The following PATJ variants were observed in gnomAD, a reference collection of about 807,000 sequenced individuals.
PATJ encodes inaD-like protein.
In PATJ, 190 loss-of-function variants were observed where a neutral mutation model predicts 224.9. The ratio of observed to expected loss-of-function variants is 0.84; its 90% CI spans 0.75 to 0.95. The LOEUF (loss-of-function observed/expected upper bound fraction) is 0.95, where lower values mean the gene tolerates loss of function less well. PATJ is among the 40% of genes least tolerant of loss of function. PATJ has a pLI of 0.00. For missense variants in PATJ, 2,121 were observed against 2,270.3 expected, an observed-to-expected ratio of 0.93 and a Z score of 1.34; for synonymous variants, 769 against 820.3, an observed-to-expected ratio of 0.94 and a Z score of 1.07.
In PATJ at chr1:62,065,077, C is replaced by T. The variant is rs145544974; in HGVS notation, c.4125+14019C>T. Among the ~76,000 whole-genome samples, 90 of 152,228 alleles carry T rather than the reference C, an allele frequency of 5.9e-4. 1 individual carries two copies. In the East Asian group the frequency reaches 7.9e-3, roughly 13 times the overall value. On this transcript the variant is annotated intron_variant, in intron 31 of 43. Transcript: ENST00000642238. ...TCTTTATCTCTTGTATTCCTGAAAA[C>T]CACTTGAGATTTGCGTACATGATAA... is the stretch of plus-strand genomic sequence containing the variant.
chr1:62,017,742 A>G (rs1309303697), intron 28 of PATJ, 114 bp from the exon 29 acceptor site: 3 of 578,422 alleles, frequency 5.2e-6, no homozygotes, highest in African/African-American at 1.9e-5. Context: ...AAAAAAAAAA[A>G]AAAAAGAAAA....
chr1:61,838,494 A>G lies in PATJ; in HGVS notation c.2112+4709A>G, dbSNP rs1391377334. ...CTCAGCCTCCTGAGTAGCTGGGACT[A>G]CAGGCACCTGCTACCACGCCTGGCT... On this transcript the variant is annotated intron_variant, in intron 17 of 43. Transcript: ENST00000642238. 3.4e-5 allele frequency among the ~76,000 whole-genome samples: 5 copies of G among 148,656 alleles called. No homozygotes were observed. The South Asian group carries it at 6.4e-4, about 19-fold the overall frequency.
At chr1:62,106,495 G>C (rs1341019163) in intron 33 of PATJ, among the ~76,000 whole-genome samples, 1 of 151,836 alleles carries the variant, frequency 6.6e-6, no homozygotes, top group African/African-American at 2.4e-5. Flanking sequence ...AAGTTAAAAA[G>C]CAAACAAACA....
At chr1:62,104,818 C>T (rs571999638) in intron 33 of PATJ, among the ~76,000 whole-genome samples, 49 of 152,138 alleles carry the variant, frequency 3.2e-4, no homozygotes, top group East Asian at 1.2e-3. Context: ...ATTACAGGCA[C>T]GTGCCACCAT....
intron 31 of PATJ, among the ~76,000 whole-genome samples, chr1:62,074,432 T>C (rs1570459097): frequency 6.6e-6 from 1 of 151,588 alleles, no homozygotes. Context: ...CTGAAAACCT[T>C]TAAGCAATTT....
At chr1:62,082,313 C>T (rs143401094) in intron 32 of PATJ, among the ~76,000 whole-genome samples, 9 of 152,276 alleles carry the variant, frequency 5.9e-5, no homozygotes, top group East Asian at 3.9e-4. Context: ...GACTCTGGGC[C>T]GGGCACCTCA....
At chr1:61,972,506 G>A (rs1405503470) in intron 27 of PATJ, among the ~76,000 whole-genome samples, 1 of 151,888 alleles carries the variant, frequency 6.6e-6, no homozygotes, top group South Asian at 2.1e-4. Flanking sequence ...GTCGCTTTGT[G>A]GCTGTTTCTT....
intron 10 of PATJ, among the ~76,000 whole-genome samples, chr1:61,796,712 TTC>T (rs754876997): frequency 0.15 from 4,353 of 29,810 alleles, 91 homozygotes; most frequent in Middle Eastern, 0.21. Flanking sequence ...CTTTCTTTCT[TTC>T]TTTCTTTCTT....
chr1:61,962,144 T>C (rs1681403786), intron 27 of PATJ, among the ~76,000 whole-genome samples: 1 of 152,142 alleles, frequency 6.6e-6, no homozygotes, highest in Non-Finnish European at 1.5e-5. Flanking sequence ...CTCTATTATT[T>C]CATTTTTACT....
At chr1:61,992,815 A>G (rs1253133321) in intron 28 of PATJ, among the ~76,000 whole-genome samples, 1 of 152,222 alleles carries the variant, frequency 6.6e-6, no homozygotes, top group Non-Finnish European at 1.5e-5. Flanking sequence ...TGGACTTGGA[A>G]GACCTACCGT....
intron 27 of PATJ, among the ~76,000 whole-genome samples, chr1:61,978,946 A>C (rs1644297345): frequency 6.6e-6 from 1 of 152,150 alleles, no homozygotes. Flanking sequence ...TGATGATAGG[A>C]AAACATACTG....
At chr1:61,767,719 C>T (rs1646364784) in intron 4 of PATJ, among the ~76,000 whole-genome samples, 1 of 149,562 alleles carries the variant, frequency 6.7e-6, no homozygotes, top group South Asian at 2.1e-4. Flanking sequence ...CTCTGTTGCC[C>T]AGGCTGGAGT....
At chr1:61,956,445 T>TA (rs1260493630) in intron 27 of PATJ, among the ~76,000 whole-genome samples, 1 of 152,150 alleles carries the variant, frequency 6.6e-6, no homozygotes, top group Non-Finnish European at 1.5e-5. Flanking sequence ...TCTGGAATCT[T>TA]ACAAAAGCCA....
At chr1:62,017,722 A>G in intron 28 of PATJ, 134 bp from the exon 29 acceptor site, 1 of 504,932 alleles carries the variant, frequency 2.0e-6, no homozygotes, top group Non-Finnish European at 3.4e-6. Flanking sequence ...ACAGAGTGAG[A>G]CTGTCTCAAA....
intron 14 of PATJ, among the ~76,000 whole-genome samples, chr1:61,817,776 G>C (rs1297749571): frequency 6.6e-6 from 1 of 152,132 alleles, no homozygotes; most frequent in African/African-American, 2.4e-5. Flanking sequence ...TAAGTTCGGA[G>C]GCCATCATGC....
At chr1:61,826,459 C>G (rs923585148) in intron 15 of PATJ, among the ~76,000 whole-genome samples, 5 of 152,126 alleles carry the variant, frequency 3.3e-5, no homozygotes, top group Non-Finnish European at 7.4e-5. Flanking sequence ...GAGTCAGATG[C>G]GAAAAGATTA....
chr1:61,769,565 G>C, intron 5 of PATJ, 143 bp downstream of exon 5: 1 of 851,556 alleles, frequency 1.2e-6, no homozygotes, highest in Non-Finnish European at 1.8e-6. Flanking sequence ...GCATTTGTCA[G>C]GCCTTTTGCG....
chr1:61,961,851 C>A (rs1308984130), intron 27 of PATJ, among the ~76,000 whole-genome samples: 1 of 151,922 alleles, frequency 6.6e-6, no homozygotes, highest in Non-Finnish European at 1.5e-5. Context: ...TGCCTGTGAT[C>A]CCAGCTACTC....
intron 7 of PATJ, among the ~76,000 whole-genome samples, chr1:61,782,291 C>A (rs1477892097): frequency 6.6e-6 from 1 of 152,126 alleles, no homozygotes; most frequent in Non-Finnish European, 1.5e-5. Flanking sequence ...TGTGAAAATT[C>A]AATGTTAATC....
Sources: gnomAD v4.1 joint callset for allele counts (sites outside exome capture counted in the v4.1 genomes callset) on GRCh38, gnomAD v4.1.1 for gene constraint, MANE v1.5 for transcripts, NCBI Gene and HGNC (gene_info 2026-07-23, HGNC 2026-07-21) for gene names.